Variants in ZBTB20 observed in about 807,000 individuals in gnomAD.
ZBTB20 encodes zinc finger and BTB domain containing 20, also known as zinc finger and BTB domain-containing protein 20.
In ZBTB20, 9 loss-of-function variants were observed where a neutral mutation model predicts 56.9. The observed-to-expected ratio is 0.16, with a 90% confidence interval of 0.10 to 0.28. The LOEUF (loss-of-function observed/expected upper bound fraction) is 0.28. Among genes scored for constraint, ZBTB20 ranks in the 10% least tolerant of loss-of-function variants. The pLI is 1.00. For missense variants in ZBTB20, 655 were observed against 1,003.0 expected, an observed-to-expected ratio of 0.65 and a Z score of 4.69; for synonymous variants, 417 against 420.7, an observed-to-expected ratio of 0.99 and a Z score of 0.11.
chr3:114,733,299 T>C (rs981982140), intron 5 of ZBTB20, among the ~76,000 whole-genome samples: 8 of 152,174 alleles, frequency 5.3e-5, no homozygotes, highest in African/African-American at 1.9e-4. Flanking sequence ...AGTTCTCCAA[T>C]GCCTAAGCCT....
rs114001931 is a variant in ZBTB20 at position 115,004,155 on chromosome 3, G to C, written c.-506-29739C>G. On this transcript the variant is annotated intron_variant, in intron 2 of 11. Transcript: ENST00000675478. The stretch of plus-strand genomic sequence containing the variant: ...ACTTGGGATTTCAATAGATCTGCTC[G>C]TGGTTTCAATCTCTAGTTGGTCTGC... 3.9e-3 allele frequency among the ~76,000 whole-genome samples: 587 copies of C among 151,716 alleles called. 2 individuals carry two copies. Among genetic ancestry groups the C allele is most frequent in the African/African-American group, 0.014 (560 of 41,480 alleles).
chr3:115,018,611 T>C (rs1430568638), intron 2 of ZBTB20, among the ~76,000 whole-genome samples: 3 of 151,346 alleles, frequency 2.0e-5, no homozygotes, highest in African/African-American at 7.3e-5. Flanking sequence ...AAAAAAATGA[T>C]GATCGCATTT....
At chr3:114,847,335 C>G (rs2074762189) in intron 4 of ZBTB20, among the ~76,000 whole-genome samples, 1 of 151,798 alleles carries the variant, frequency 6.6e-6, no homozygotes, top group South Asian at 2.1e-4. Context: ...CCCTCCCCAC[C>G]TAACACTACA....
chr3:114,714,549 A>G (rs2108457643), intron 5 of ZBTB20, among the ~76,000 whole-genome samples: 1 of 152,178 alleles, frequency 6.6e-6, no homozygotes, highest in African/African-American at 2.4e-5. Flanking sequence ...AGGAAAAAAA[A>G]AAAAAAGCTA....
At chr3:114,465,066 T>G (rs1393007796) in intron 7 of ZBTB20, among the ~76,000 whole-genome samples, 1 of 143,038 alleles carries the variant, frequency 7.0e-6, no homozygotes. Flanking sequence ...AAACCTAAAT[T>G]CTTGTACTTA....
At chr3:114,495,547 T>C (rs2043199807) in intron 7 of ZBTB20, among the ~76,000 whole-genome samples, 1 of 152,188 alleles carries the variant, frequency 6.6e-6, no homozygotes, top group Admixed American at 6.5e-5. Flanking sequence ...TTCGCCTTAG[T>C]AATACTTTAT....
At chr3:114,774,785 T>C (rs1369995415) in intron 5 of ZBTB20, among the ~76,000 whole-genome samples, 1 of 152,210 alleles carries the variant, frequency 6.6e-6, no homozygotes, top group Non-Finnish European at 1.5e-5. Flanking sequence ...GTTCTTTTTT[T>C]GTTAATTAAT....
chr3:114,982,393 C>A (rs2078365489), intron 2 of ZBTB20, among the ~76,000 whole-genome samples: 1 of 152,038 alleles, frequency 6.6e-6, no homozygotes, highest in African/African-American at 2.4e-5. Context: ...TGACTATTTT[C>A]TTGAAATATC....
intron 6 of ZBTB20, among the ~76,000 whole-genome samples, chr3:114,505,173 T>C (rs1234980289): frequency 6.6e-6 from 1 of 152,166 alleles, no homozygotes; most frequent in East Asian, 1.9e-4. Context: ...AAACAGAATC[T>C]GGGTCGTCAG....
At chr3:114,401,080 C>CCGGACACACACACACACA (rs2086776810) in intron 7 of ZBTB20, among the ~76,000 whole-genome samples, 1 of 43,738 alleles carries the variant, frequency 2.3e-5, no homozygotes, top group Admixed American at 1.8e-4. Flanking sequence ...TGTCTACCTC[C>CCGGACACACACACACACA]CAGACACACA....
In ZBTB20 at chr3:114,380,259, G is replaced by A. The variant is rs1160107715; in HGVS notation, c.157C>T (p.His53Tyr). 5 of 1,537,130 alleles carry A rather than the reference G, an allele frequency of 3.3e-6. No homozygotes were observed. The South Asian group carries it at 4.8e-5, about 15-fold the overall frequency. The change falls in exon 10 of 12, where the codon CAT becomes TAT. Residue 53 changes from histidine to tyrosine, a missense_variant. Physicochemically the swap from His to Tyr is moderately conservative, Grantham distance 83 (BLOSUM62 2). Coordinates refer to ENST00000675478, the MANE Select transcript of ZBTB20 (RefSeq NM_001348800.3). The part of the protein sequence containing the change: ...SPDPALIHST[H>Y]SLTNSHAHTG... ...TGAGCGTGAGAGTTTGTCAGTGAAT[G>A]TGTTGAGTGGATGAGGGCTGGGTCT...
intron 4 of ZBTB20, among the ~76,000 whole-genome samples, chr3:114,815,130 T>C (rs1322955062): frequency 6.6e-6 from 1 of 152,210 alleles, no homozygotes; most frequent in African/African-American, 2.4e-5. Context: ...AAAAATAGAA[T>C]GTTAACAAGT....
At chr3:114,986,932 T>C (rs2078571546) in intron 2 of ZBTB20, among the ~76,000 whole-genome samples, 1 of 152,152 alleles carries the variant, frequency 6.6e-6, no homozygotes, top group African/African-American at 2.4e-5. Context: ...CGTCTAATCA[T>C]GATAACCAAT....
intron 6 of ZBTB20, among the ~76,000 whole-genome samples, chr3:114,599,530 T>C (rs2056596500): frequency 6.6e-6 from 1 of 152,126 alleles, no homozygotes; most frequent in African/African-American, 2.4e-5. Flanking sequence ...TTAAGTATCT[T>C]ATTTGCCTTT....
intron 5 of ZBTB20, among the ~76,000 whole-genome samples, chr3:114,750,514 C>T (rs1280685586): frequency 6.6e-6 from 1 of 152,120 alleles, no homozygotes; most frequent in Non-Finnish European, 1.5e-5. Context: ...GTAGTACGAT[C>T]CAAGGTGAGG....
chr3:114,434,852 A>C (rs1267455812), intron 7 of ZBTB20, among the ~76,000 whole-genome samples: 1 of 152,106 alleles, frequency 6.6e-6, no homozygotes, highest in Admixed American at 6.6e-5. Context: ...GTTTAGGAAA[A>C]AATCCAGGTG....
chr3:114,569,678 C>CA, intron 6 of ZBTB20, among the ~76,000 whole-genome samples: 1 of 152,314 alleles, frequency 6.6e-6, no homozygotes, highest in South Asian at 2.1e-4. Context: ...AACCTGCATA[C>CA]ACTACTTTTG....
chr3:114,997,457 A>C (rs758928892), intron 2 of ZBTB20, among the ~76,000 whole-genome samples: 6 of 151,898 alleles, frequency 4.0e-5, no homozygotes, highest in Non-Finnish European at 7.4e-5. Context: ...TCCAAATAAT[A>C]CATGAAAAGT....
At chr3:114,910,944 T>C (rs2075510738) in intron 3 of ZBTB20, among the ~76,000 whole-genome samples, 1 of 152,084 alleles carries the variant, frequency 6.6e-6, no homozygotes, top group African/African-American at 2.4e-5. Flanking sequence ...TCACGTTTAT[T>C]GTGTTTAGAG....
Sources: gnomAD v4.1 joint callset for allele counts (sites outside exome capture counted in the v4.1 genomes callset) on GRCh38, gnomAD v4.1.1 for gene constraint, MANE v1.5 for transcripts, NCBI Gene and HGNC (gene_info 2026-07-23, HGNC 2026-07-21) for gene names.